Variants in CNGB3 observed in about 807,000 individuals in gnomAD.
CNGB3 encodes the protein cyclic nucleotide gated channel subunit beta 3, also known as cyclic nucleotide-gated channel beta-3.
In CNGB3, 86 loss-of-function variants were observed where a neutral mutation model predicts 92.8. The ratio of observed to expected loss-of-function variants is 0.93; its 90% CI spans 0.78 to 1.11. CNGB3 has a LOEUF of 1.11. CNGB3 is among the 50% of genes least tolerant of loss of function. The probability of loss-of-function intolerance (pLI) is 0.00; values close to 1 mark genes in which losing one functional copy is unlikely to be tolerated. For synonymous variants in CNGB3, 333 were observed against 332.7 expected (o/e 1.00, Z -0.01); for missense variants, 1,026 against 956.8 (o/e 1.07, Z -0.95).
chr8:86,678,485 A>C (rs1824017210), intron 3 of CNGB3, among the ~76,000 whole-genome samples: 1 of 152,200 alleles, frequency 6.6e-6, no homozygotes, highest in African/African-American at 2.4e-5. Context: ...GGTAATGTAC[A>C]TATGGATGTT....
At position 86,661,482 on chromosome 8, in the gene CNGB3, C is replaced by T. The variant is rs115061289; in HGVS notation, c.852+5443G>A. ...TACGTCCCTGAGCTCTTTCATAAGT[C>T]CATCTGAAACTTGCACTGACCCAAA... On this transcript the variant is annotated intron_variant, in intron 6 of 17. Coordinates refer to ENST00000320005, the MANE Select transcript of CNGB3 (RefSeq NM_019098.5). 1,967 of 617,024 alleles carry T rather than the reference C, an allele frequency of 3.2e-3. 31 individuals are homozygous for T. The highest frequency in any genetic ancestry group is 0.032 in the African/African-American group (1,726 of 54,610). The allele number at this position is 617,024 out of a possible 1,614,324, so 38.2% of individuals were successfully genotyped here. A position where few individuals can be genotyped will look rare whatever the true frequency, so the allele number is the denominator to read the frequency against.
At chr8:86,591,573 C>G (rs71525058) in intron 15 of CNGB3, among the ~76,000 whole-genome samples, 13,003 of 151,828 alleles carry the variant, frequency 0.086, 1,235 homozygotes, top group Admixed American at 0.3. Flanking sequence ...GGACCCTCAG[C>G]TGCAGGTCTG....
chr8:86,643,010 T>G (rs925209774), intron 10 of CNGB3, among the ~76,000 whole-genome samples: 2 of 151,462 alleles, frequency 1.3e-5, no homozygotes, highest in African/African-American at 4.8e-5. Context: ...TATTAAAAGT[T>G]ACCTTACTGC....
chr8:86,724,777 G>T (rs1331159484), intron 3 of CNGB3, among the ~76,000 whole-genome samples: 1 of 152,012 alleles, frequency 6.6e-6, no homozygotes, highest in African/African-American at 2.4e-5. Context: ...AGGTGATAAG[G>T]GGAGGAAAGA....
intron 3 of CNGB3, among the ~76,000 whole-genome samples, chr8:86,716,695 A>G (rs991627754): frequency 1.3e-5 from 2 of 152,232 alleles, no homozygotes; most frequent in Non-Finnish European, 2.9e-5. Flanking sequence ...CTACCAAGCC[A>G]GTACTTAAAG....
At chr8:86,606,436 C>G (rs1221812429) in intron 14 of CNGB3, among the ~76,000 whole-genome samples, 2 of 152,030 alleles carry the variant, frequency 1.3e-5, no homozygotes, top group African/African-American at 4.8e-5. Flanking sequence ...CAGTCGTGAG[C>G]CACTGCACCT....
chr8:86,642,156 T>G (rs1284905484), intron 10 of CNGB3, among the ~76,000 whole-genome samples: 1 of 151,704 alleles, frequency 6.6e-6, no homozygotes, highest in Non-Finnish European at 1.5e-5. Flanking sequence ...GAGAGGCGTC[T>G]AGGTGTAAAA....
intron 3 of CNGB3, among the ~76,000 whole-genome samples, chr8:86,684,519 CTT>C (rs1824145507): frequency 6.6e-6 from 1 of 152,032 alleles, no homozygotes. Flanking sequence ...GAAATAAAAA[CTT>C]TGTGTTTTCA....
At chr8:86,659,645 C>T (rs1178364963) in intron 6 of CNGB3, 3 of 493,600 alleles carry the variant, frequency 6.1e-6, no homozygotes, top group Non-Finnish European at 1.2e-5. Context: ...AGGCAGCTGG[C>T]CAGATCCTTT....
chr8:86,618,203 C>T (rs1036187674), intron 13 of CNGB3, among the ~76,000 whole-genome samples: 2 of 152,214 alleles, frequency 1.3e-5, no homozygotes, highest in African/African-American at 4.8e-5. Context: ...GTTGTAAATA[C>T]AGATGAAGCT....
intron 3 of CNGB3, among the ~76,000 whole-genome samples, chr8:86,724,195 A>G (rs1398931416): frequency 6.6e-6 from 1 of 152,206 alleles, no homozygotes; most frequent in East Asian, 1.9e-4. Context: ...ACTTAAAAAA[A>G]GTCTTCTGGA....
At chr8:86,670,677 G>A (rs1322667449) in intron 4 of CNGB3, among the ~76,000 whole-genome samples, 5 of 152,002 alleles carry the variant, frequency 3.3e-5, no homozygotes, top group African/African-American at 7.3e-5. Context: ...GTCTCCCAAA[G>A]TGCTGGGATT....
intron 3 of CNGB3, among the ~76,000 whole-genome samples, chr8:86,719,232 C>T (rs944084670): frequency 1.9e-4 from 29 of 152,042 alleles, no homozygotes; most frequent in African/African-American, 6.0e-4. Flanking sequence ...GTCAGACTGT[C>T]GCTATTTGCT....
chr8:86,725,072 G>A lies in CNGB3; in HGVS notation c.338+1459C>T, dbSNP rs116824901. Among the ~76,000 whole-genome samples the A allele has an allele frequency of 9.0e-3, 1,364 of 152,148 alleles. 20 individuals carry two copies. Among genetic ancestry groups the A allele is most frequent in the African/African-American group, 0.031 (1,282 of 41,520 alleles). On this transcript the variant is annotated intron_variant, in intron 3 of 17. Coordinates refer to ENST00000320005, the MANE Select transcript of CNGB3 (RefSeq NM_019098.5). ...TGTAAGAAATACTAGGAATGAATAC[G>A]GATTAAAAAGAATTTATCCCCCAAA...
intron 3 of CNGB3, among the ~76,000 whole-genome samples, chr8:86,684,446 T>A (rs372935260): frequency 6.6e-6 from 1 of 152,104 alleles, no homozygotes; most frequent in Non-Finnish European, 1.5e-5. Flanking sequence ...CAGTTTCTTA[T>A]AAAGCTAAAC....
intron 3 of CNGB3, among the ~76,000 whole-genome samples, chr8:86,702,866 T>A (rs1255862286): frequency 6.6e-6 from 1 of 152,044 alleles, no homozygotes; most frequent in East Asian, 1.9e-4. Flanking sequence ...TTCTATTTTT[T>A]AAAATAGGAG....
chr8:86,625,814 T>C (rs187889452), intron 13 of CNGB3, among the ~76,000 whole-genome samples, 169 bp downstream of exon 13: 150 of 152,046 alleles, frequency 9.9e-4, no homozygotes, highest in African/African-American at 3.5e-3. Flanking sequence ...AGCCGTTGGC[T>C]GAAGAGAGAC....
intron 13 of CNGB3, among the ~76,000 whole-genome samples, chr8:86,620,011 G>A (rs995031641): frequency 2.0e-5 from 3 of 151,548 alleles, no homozygotes; most frequent in Non-Finnish European, 4.4e-5. Context: ...ATGAGCTACC[G>A]CACTGGGCCA....
At chr8:86,611,741 A>C in intron 13 of CNGB3, 70 bp from the exon 14 acceptor site, 2 of 1,082,904 alleles carry the variant, frequency 1.8e-6, no homozygotes, top group Non-Finnish European at 1.4e-6. Flanking sequence ...TTCAAAACTC[A>C]ATGAAAATAA....
Sources: allele counts gnomAD v4.1 joint callset (sites outside exome capture counted in the v4.1 genomes callset), GRCh38; gene constraint gnomAD v4.1.1; transcripts MANE v1.5; gene names NCBI Gene and HGNC (gene_info 2026-07-23, HGNC 2026-07-21).